The following ADGRD1 variants were observed in gnomAD, a reference collection of about 807,000 sequenced individuals.
The protein encoded by ADGRD1 is G-protein coupled receptor 133.
In ADGRD1, 77 loss-of-function variants were observed where a neutral mutation model predicts 113.4. That is an observed-to-expected ratio of 0.68 (90% CI 0.57 to 0.82). ADGRD1 has a LOEUF of 0.82. Among genes scored for constraint, ADGRD1 ranks in the 40% least tolerant of loss-of-function variants. ADGRD1 has a pLI of 0.00. For synonymous variants in ADGRD1, 474 were observed against 475.0 expected (o/e 1.00, Z 0.03); for missense variants, 1,036 against 1,139.1 (o/e 0.91, Z 1.30).
At chr12:131,132,215 G>A (rs973601173) in intron 21 of ADGRD1, among the ~76,000 whole-genome samples, 2 of 152,130 alleles carry the variant, frequency 1.3e-5, no homozygotes, top group African/African-American at 2.4e-5. Flanking sequence ...CCTTCCTCAC[G>A]TGCAGAACGG....
intron 20 of ADGRD1, among the ~76,000 whole-genome samples, chr12:131,124,123 G>T (rs967008470): frequency 6.6e-6 from 1 of 152,242 alleles, no homozygotes; most frequent in Non-Finnish European, 1.5e-5. Context: ...CCGTGGAGGG[G>T]AGTTGGGGGT....
At chr12:130,982,191 C>A in intron 5 of ADGRD1, 128 bp downstream of exon 5, 1 of 797,896 alleles carries the variant, frequency 1.3e-6, no homozygotes. Context: ...CACCCGAGCT[C>A]CTTTCCTTTA....
chr12:131,050,193 T>C lies in ADGRD1; in HGVS notation c.1474-26608T>C, dbSNP rs906303981. 1.3e-5 allele frequency among the ~76,000 whole-genome samples: 2 copies of C among 148,792 alleles called. No homozygotes were observed. Among genetic ancestry groups the C allele is most frequent in the African/African-American group, 4.9e-5 (2 of 41,184 alleles). On this transcript the variant is annotated intron_variant, in intron 13 of 24. Coordinates refer to ENST00000261654, the MANE Select transcript of ADGRD1 (RefSeq NM_198827.5). The surrounding 1 kb of genome is among the most constrained non-coding windows in gnomAD (Gnocchi z 4.8). ...CTGTTACATAACACATTTTCCTGTC[T>C]CAAGTTGAAATCACCATCGTCATCG...
chr12:131,083,855 C>G (rs1348879551), intron 14 of ADGRD1, among the ~76,000 whole-genome samples: 4 of 152,166 alleles, frequency 2.6e-5, no homozygotes, highest in African/African-American at 9.7e-5. Flanking sequence ...ATCTCGCCAC[C>G]CTGTCTCTGG....
At chr12:131,038,683 C>A (rs563743847) in intron 13 of ADGRD1, among the ~76,000 whole-genome samples, 3 of 152,268 alleles carry the variant, frequency 2.0e-5, no homozygotes, top group Admixed American at 1.3e-4. Flanking sequence ...GGGCAACCTG[C>A]CTCTGACTCT....
At chr12:131,110,808 G>T (rs1950330613) in intron 18 of ADGRD1, among the ~76,000 whole-genome samples, 1 of 152,174 alleles carries the variant, frequency 6.6e-6, no homozygotes, top group Non-Finnish European at 1.5e-5. Context: ...TGTAAGGCAT[G>T]TCTGCTAGCA....
rs777995843 is a variant in ADGRD1, at chr12:131,120,917, C to T, written c.2175+4C>T. On this transcript the variant is annotated splice_donor_region_variant and intron_variant, in intron 20 of 24. Coordinates refer to ENST00000261654, the MANE Select transcript of ADGRD1 (RefSeq NM_198827.5). Reference sequence around the variant, plus strand: ...CCCTGCCCTGTTTGTCATCGTGGTACGTTTCCTACCCTTGTGGGCGCAGAG... The same window carrying T: ...CCCTGCCCTGTTTGTCATCGTGGTATGTTTCCTACCCTTGTGGGCGCAGAG... 5.0e-5 allele frequency: 80 copies of T among 1,613,442 alleles called. No homozygotes were observed. Among genetic ancestry groups the T allele is most frequent in the Middle Eastern group, 1.6e-4 (1 of 6,076 alleles).
chr12:131,101,132 C>T (rs569167571), intron 15 of ADGRD1, among the ~76,000 whole-genome samples: 7 of 152,070 alleles, frequency 4.6e-5, no homozygotes, highest in Middle Eastern at 6.8e-3. Context: ...CTATGGTGTC[C>T]GAGAGTGATA....
chr12:130,995,754 G>C (rs1375909062), intron 8 of ADGRD1, among the ~76,000 whole-genome samples: 1 of 151,180 alleles, frequency 6.6e-6, no homozygotes, highest in African/African-American at 2.4e-5. Flanking sequence ...TTTTCAACCT[G>C]TTTTATTTTA....
At chr12:131,130,080 C>T (rs1252328834) in intron 20 of ADGRD1, among the ~76,000 whole-genome samples, 1 of 152,256 alleles carries the variant, frequency 6.6e-6, no homozygotes, top group Non-Finnish European at 1.5e-5. Flanking sequence ...ACGCTGCTCC[C>T]GCTTGCTGCT....
At chr12:131,017,736 A>G (rs1382853898) in intron 13 of ADGRD1, among the ~76,000 whole-genome samples, 1 of 149,020 alleles carries the variant, frequency 6.7e-6, no homozygotes, top group African/African-American at 2.5e-5. Flanking sequence ...CATACCCAGC[A>G]CAGACACACC....
At position 130,981,918 on chromosome 12, in the gene ADGRD1, A is replaced by T. The variant is rs746964342; in HGVS notation, c.345A>T (p.Gly115=). 1 of 1,613,104 alleles carries T rather than the reference A, an allele frequency of 6.2e-7. No individual in the cohort carries two copies. Among genetic ancestry groups the T allele is most frequent in the Non-Finnish European group, 8.5e-7 (1 of 1,179,496 alleles). Residue 115 remains glycine (G), a synonymous_variant, in exon 5 of 25, where the codon GGA becomes GGT. Coordinates refer to ENST00000261654, the MANE Select transcript of ADGRD1 (RefSeq NM_198827.5). ...TTTCTTTTTTCTGGAAGACACAAGG[A>T]GAACAGTCTAGACCAATCCCTTCTG... ...VTFSFFWKTQ[G]EQSRPIPSAY... is the part of the protein sequence containing the mutation.
At chr12:130,963,602 T>C (rs1870670901) in intron 2 of ADGRD1, among the ~76,000 whole-genome samples, 1 of 152,210 alleles carries the variant, frequency 6.6e-6, no homozygotes, top group Non-Finnish European at 1.5e-5. Flanking sequence ...GAATATGCCA[T>C]CTAAGTTCAT....
intron 20 of ADGRD1, among the ~76,000 whole-genome samples, chr12:131,125,159 T>C (rs1189548095): frequency 6.6e-6 from 1 of 152,244 alleles, no homozygotes; most frequent in African/African-American, 2.4e-5. Context: ...AACATAATTA[T>C]GTCTTTAAAG....
chr12:130,991,064 A>G lies in ADGRD1; in HGVS notation c.796A>G (p.Thr266Ala), dbSNP rs1217819097. ...STLPSLFMTS[T>A]ASPVMPTDAY... ...GCTGCCAAGCCTCTTCATGACATCC[A>G]CAGCAAGCCCCGTGGTGAGCAGACA... is the stretch of plus-strand genomic sequence containing the variant. Residue 266 changes from threonine (T) to alanine (A), a missense_variant, in exon 7 of 25, where the codon ACA (threonine) becomes GCA (alanine). Transcript: ENST00000261654. 6.2e-7 allele frequency: 1 copy of G among 1,613,924 alleles called. No homozygotes were observed. The highest frequency in any genetic ancestry group is 8.5e-7 in the Non-Finnish European group (1 of 1,179,860).
At chr12:131,102,293 G>A (rs1419818956) in intron 15 of ADGRD1, among the ~76,000 whole-genome samples, 1 of 152,252 alleles carries the variant, frequency 6.6e-6, no homozygotes, top group Non-Finnish European at 1.5e-5. Context: ...CCGTCGGTCT[G>A]CAGGTGGAGA....
chr12:131,020,134 GC>G (rs1402194844), intron 13 of ADGRD1, among the ~76,000 whole-genome samples: 53 of 86,754 alleles, frequency 6.1e-4, no homozygotes, highest in African/African-American at 1.8e-3. Flanking sequence ...TCCGTCCAGG[GC>G]AGGGGGTGCT....
rs1351164279 is a variant in ADGRD1, at chr12:130,984,873, C to T, written c.491-2222C>T. On this transcript the variant is annotated intron_variant, in intron 5 of 24. Transcript: ENST00000261654. The surrounding 1 kb of genome is among the most constrained non-coding windows in gnomAD (Gnocchi z 4.1). ...CCTCCCTTGCTCCCTTCCTTTCCTT[C>T]TTTCCTTCCTTCTTTCTTCTCTTCT... Among the ~76,000 whole-genome samples the T allele has an allele frequency of 1.4e-5, 2 of 146,712 alleles. No homozygotes were observed. The highest frequency in any genetic ancestry group is 2.5e-5 in the African/African-American group (1 of 39,982).
At chr12:131,017,479 C>A (rs566170182) in intron 13 of ADGRD1, among the ~76,000 whole-genome samples, 13 of 150,612 alleles carry the variant, frequency 8.6e-5, no homozygotes, top group African/African-American at 3.2e-4. Context: ...ACACCCAGTC[C>A]ACACACAATC....
Sources: allele counts gnomAD v4.1 joint callset (sites outside exome capture counted in the v4.1 genomes callset), GRCh38; gene constraint gnomAD v4.1.1; non-coding constraint Gnocchi (gnomAD v3.1); transcripts MANE v1.5; gene names NCBI Gene and HGNC (gene_info 2026-07-23, HGNC 2026-07-21).